HK2: variants seen among roughly 807,000 people sequenced by gnomAD.
HK2 encodes the protein hexokinase-2.
Under a neutral mutation model 92.9 loss-of-function variants are expected in HK2, and 42 were observed. That is an observed-to-expected ratio of 0.45 (90% confidence interval 0.35 to 0.58). HK2 has a LOEUF of 0.58. Among genes scored for constraint, HK2 ranks in the 20% least tolerant of loss-of-function variants. The probability of loss-of-function intolerance (pLI) is 0.00; values close to 1 mark genes in which losing one functional copy is unlikely to be tolerated. For missense variants in HK2, 978 were observed against 1,245.1 expected, an observed-to-expected ratio of 0.79 and a Z score of 3.23; for synonymous variants, 422 against 468.0, an observed-to-expected ratio of 0.90 and a Z score of 1.27.
At position 74,891,845 on chromosome 2, in the gene HK2, T is replaced by A. The variant is rs1689687562; in HGVS notation, c.*904T>A. 1 of 152,672 alleles carries A rather than the reference T, an allele frequency of 6.5e-6. No homozygotes were observed. Among genetic ancestry groups the A allele is most frequent in the African/African-American group, 2.4e-5 (1 of 41,454 alleles). The allele number at this position is 152,672 out of a possible 1,614,324, so 9.5% of individuals were successfully genotyped here. A position where few individuals can be genotyped will look rare whatever the true frequency, so the allele number is the denominator to read the frequency against. On this transcript the variant is annotated 3_prime_UTR_variant, in exon 18 of 18. Transcript: ENST00000290573. ...TGTTAATTTGTTATGTATATAGATG[T>A]GCAAGTCTTGTCAGAATTGGCCTCA... is the stretch of plus-strand genomic sequence containing the variant.
At chr2:74,881,900 C>T (rs760709154) in intron 11 of HK2, 41 bp downstream of exon 11, 12 of 1,607,698 alleles carry the variant, frequency 7.5e-6, no homozygotes, top group South Asian at 3.3e-5. Context: ...CCCTGGTGGA[C>T]GTCACCTCTT....
At chr2:74,872,832 A>G (rs1211620313) in intron 4 of HK2, among the ~76,000 whole-genome samples, 2 of 152,208 alleles carry the variant, frequency 1.3e-5, no homozygotes, top group Non-Finnish European at 1.5e-5. Context: ...TCACTTATGT[A>G]TAAACATCAT....
intron 3 of HK2, among the ~76,000 whole-genome samples, chr2:74,868,473 G>C (rs1288136640): frequency 6.6e-6 from 1 of 152,168 alleles, no homozygotes; most frequent in Non-Finnish European, 1.5e-5. Context: ...TCTGTAAAAA[G>C]GGATGATAGT....
chr2:74,863,533 T>A (rs1688880648), intron 2 of HK2, among the ~76,000 whole-genome samples: 1 of 152,148 alleles, frequency 6.6e-6, no homozygotes, highest in Non-Finnish European at 1.5e-5. Context: ...CTGCCAGGTG[T>A]GGTAGTGATC....
intron 2 of HK2, among the ~76,000 whole-genome samples, chr2:74,855,450 A>G (rs1688672609): frequency 6.6e-6 from 1 of 152,094 alleles, no homozygotes; most frequent in Non-Finnish European, 1.5e-5. Flanking sequence ...ATTAGCCAGA[A>G]TGGTCTATAT....
intron 1 of HK2, among the ~76,000 whole-genome samples, chr2:74,850,971 C>A (rs1285432867): frequency 6.6e-6 from 1 of 152,192 alleles, no homozygotes; most frequent in Admixed American, 6.5e-5. Flanking sequence ...AAGTTTGGGC[C>A]AAGCTACTGG....
chr2:74,883,709 T>C (rs1689454812), intron 12 of HK2, among the ~76,000 whole-genome samples: 1 of 152,248 alleles, frequency 6.6e-6, no homozygotes, highest in African/African-American at 2.4e-5. Context: ...CAACACCTAT[T>C]AACATTCATG....
At position 74,882,159 on chromosome 2, in the gene HK2, G is replaced by C. The variant is rs1235247724; in HGVS notation, c.1759G>C (p.Glu587Gln). 1.9e-6 allele frequency: 3 copies of C among 1,614,140 alleles called. No homozygotes were observed. In the South Asian group the frequency reaches 3.3e-5, roughly 18 times the overall value. Residue 587 changes from glutamate to glutamine, a missense_variant, in exon 12 of 18, where the codon GAG (glutamate) becomes CAG (glutamine). By Grantham distance (29) the Glu-to-Gln change is conservative. Around this residue, in one of 3 missense-constraint regions of HK2, gnomAD observed 742 missense variants for 922.5 expected, o/e 0.80. Transcript: ENST00000290573. Reference protein sequence around the residue: ...HIVQCIADFLEYMGMKGVSLP... With the variant: ...HIVQCIADFLQYMGMKGVSLP... ...TGTCCAGTGCATCGCGGACTTCCTCGAGTACATGGGCATGAAGGGCGTGTC... is the reference window on the plus strand; with the variant it reads ...TGTCCAGTGCATCGCGGACTTCCTCCAGTACATGGGCATGAAGGGCGTGTC...
At chr2:74,860,263 C>T (rs755201612) in intron 2 of HK2, among the ~76,000 whole-genome samples, 2 of 152,036 alleles carry the variant, frequency 1.3e-5, no homozygotes, top group Non-Finnish European at 2.9e-5. Flanking sequence ...GTTGGATACA[C>T]TAAAAGCCCT....
intron 1 of HK2, among the ~76,000 whole-genome samples, chr2:74,838,570 G>C (rs1255724897): frequency 7.3e-6 from 1 of 137,552 alleles, no homozygotes; most frequent in South Asian, 2.3e-4. Context: ...ACGGAGTCTC[G>C]CTCTGTCGCC....
At chr2:74,885,639 G>A in intron 13 of HK2, 50 bp downstream of exon 13, 1 of 1,215,628 alleles carries the variant, frequency 8.2e-7, no homozygotes, top group Non-Finnish European at 1.2e-6. Context: ...TCAATGATTG[G>A]CCTGGTCTGT....
rs1231950154 is a variant in HK2 at position 74,874,280 on chromosome 2, G to A, written c.706G>A (p.Ala236Thr). 5 of 1,614,184 alleles carry A rather than the reference G, an allele frequency of 3.1e-6. No homozygotes were observed. The highest frequency in any genetic ancestry group is 3.3e-5 in the Admixed American group (2 of 60,030). ...IGLIVGTGSN[A>T]CYMEEMRHID... ...TGTTTTGGCAGGCACGGGCAGCAAC[G>A]CCTGCTACATGGAAGAGATGCGCCA... The change falls in exon 7 of 18, where the codon GCC becomes ACC. Residue 236 changes from alanine to threonine, a missense_variant. By Grantham distance (58) the Ala-to-Thr change is moderately conservative. Around this residue, in one of 3 missense-constraint regions of HK2, gnomAD observed 189 missense variants for 289.5 expected, o/e 0.65. Coordinates refer to ENST00000290573, the MANE Select transcript of HK2 (RefSeq NM_000189.5).
At chr2:74,855,203 C>A (rs1398842661) in intron 2 of HK2, among the ~76,000 whole-genome samples, 1 of 152,120 alleles carries the variant, frequency 6.6e-6, no homozygotes, top group Non-Finnish European at 1.5e-5. Flanking sequence ...TCATGTTGGT[C>A]AGGTTGGTCT....
rs1311408575 is a variant in HK2 at position 74,881,704 on chromosome 2, T to G, written c.1571-7T>G. On this transcript the variant is annotated splice_polypyrimidine_tract_variant and splice_region_variant and intron_variant, in intron 10 of 17. Coordinates refer to ENST00000290573, the MANE Select transcript of HK2 (RefSeq NM_000189.5). ...CAACTTATCACTTCCCTGGGCTTAT[T>G]TTCCAGAGAAAGGGGACTTCTTGGC... 15 of 1,614,020 alleles carry G rather than the reference T, an allele frequency of 9.3e-6. No individual in the cohort carries two copies. The highest frequency in any genetic ancestry group is 1.3e-5 in the Non-Finnish European group (15 of 1,179,968).
intron 1 of HK2, among the ~76,000 whole-genome samples, chr2:74,848,836 T>G (rs1458382088): frequency 2.0e-5 from 3 of 152,248 alleles, no homozygotes; most frequent in Non-Finnish European, 4.4e-5. Flanking sequence ...GCATTGGGCC[T>G]GCAGAATGAG....
chr2:74,876,026 A>G (rs1266440228), intron 7 of HK2, among the ~76,000 whole-genome samples: 1 of 152,252 alleles, frequency 6.6e-6, no homozygotes, highest in Non-Finnish European at 1.5e-5. Context: ...TTTAAAAACT[A>G]GAATAAAAAC....
At chr2:74,858,618 A>G (rs141333404) in intron 2 of HK2, among the ~76,000 whole-genome samples, 1 of 152,348 alleles carries the variant, frequency 6.6e-6, no homozygotes, top group African/African-American at 2.4e-5. Context: ...AAAGGTGTGT[A>G]AGACTCCCAG....
At chr2:74,854,269 G>C (rs372471328) in intron 1 of HK2, 24 bp from the exon 2 acceptor site, 1 of 1,611,068 alleles carries the variant, frequency 6.2e-7, no homozygotes. Context: ...AGTGGTTTCT[G>C]CTCTTGTCTT....
intron 1 of HK2, among the ~76,000 whole-genome samples, chr2:74,838,993 A>G (rs1398735041): frequency 6.6e-6 from 1 of 152,218 alleles, no homozygotes; most frequent in Non-Finnish European, 1.5e-5. Context: ...GACTGGTGAC[A>G]TTTGCACTGG....
Sources: gnomAD v4.1 joint callset for allele counts (sites outside exome capture counted in the v4.1 genomes callset) on GRCh38, gnomAD v4.1.1 for gene constraint, gnomAD v4.1.1 regional missense constraint, MANE v1.5 for transcripts, NCBI Gene and HGNC (gene_info 2026-07-23, HGNC 2026-07-21) for gene names.